Variants in POU5F2 observed in about 807,000 individuals in gnomAD.
POU5F2 encodes POU domain, class 5, transcription factor 2.
For synonymous variants in POU5F2, 191 were observed against 178.7 expected, an observed-to-expected ratio of 1.07 and a Z score of -0.55; for missense variants, 401 against 426.6, an observed-to-expected ratio of 0.94 and a Z score of 0.53.
chr5:93,736,706 T>C lies in POU5F2; in HGVS notation c.*3871A>G, dbSNP rs1024441622. 1 of 152,178 alleles carries C rather than the reference T, an allele frequency of 6.6e-6. No homozygotes were observed. Among genetic ancestry groups the C allele is most frequent in the African/African-American group, 2.4e-5 (1 of 41,448 alleles). 9.4% of individuals were successfully genotyped at this position (152,178 alleles called of 1,614,324 possible). On this transcript the variant is annotated 3_prime_UTR_variant, in exon 1 of 1. Transcript: ENST00000606183. ...CTTATGAAATAGTCATAGGATTTCA[T>C]ATTTCCCTTAAGCATTTTTCATTTA...
chr5:93,739,924 A>G lies in POU5F2; in HGVS notation c.*653T>C, dbSNP rs530531178. On this transcript the variant is annotated 3_prime_UTR_variant, in exon 1 of 1. Coordinates refer to ENST00000606183, the MANE Select transcript of POU5F2 (RefSeq NM_153216.2). ...GCAGGACAAGACATAGTCCCATGGGACTACATAAAGTAGGGAGAGGAACTG... is the reference window on the plus strand; with the variant it reads ...GCAGGACAAGACATAGTCCCATGGGGCTACATAAAGTAGGGAGAGGAACTG... 1.3e-5 allele frequency: 2 copies of G among 151,378 alleles called. No individual in the cohort carries two copies. The highest frequency in any genetic ancestry group is 3.5e-3 in the Middle Eastern group (1 of 288). The allele number at this position is 151,378 out of a possible 1,614,324, so 9.4% of individuals were successfully genotyped here.
chr5:93,736,298 G>A lies in POU5F2; in HGVS notation c.*4279C>T, dbSNP rs529851953. On this transcript the variant is annotated 3_prime_UTR_variant, in exon 1 of 1. Coordinates refer to ENST00000606183, the MANE Select transcript of POU5F2 (RefSeq NM_153216.2). ...ACCTGAAACAATACAGCTTATAGGT[G>A]TGTTCTGAAAACTAAAGTTGTTACA... 1 of 152,176 alleles carries A rather than the reference G, an allele frequency of 6.6e-6. No individual in the cohort carries two copies. Among genetic ancestry groups the A allele is most frequent in the South Asian group, 2.1e-4 (1 of 4,834 alleles). 9.4% of individuals were successfully genotyped at this position (152,176 alleles called of 1,614,324 possible).
chr5:93,740,488 A>G lies in POU5F2; in HGVS notation c.*89T>C. ...ACAGTGAATGAGAAATTAATACTAA[A>G]AGCCCTCAAATGAACCCTAGGGACA... On this transcript the variant is annotated 3_prime_UTR_variant, in exon 1 of 1. Coordinates refer to ENST00000606183, the MANE Select transcript of POU5F2 (RefSeq NM_153216.2). 2 of 1,356,414 alleles carry G rather than the reference A, an allele frequency of 1.5e-6. No individual in the cohort carries two copies. 84.0% of individuals were successfully genotyped at this position (1,356,414 alleles called of 1,614,324 possible).
Position 93,739,526 on chromosome 5 carries a change from T to A in POU5F2, c.*1051A>T, listed in dbSNP as rs575656924. 1.7e-4 allele frequency: 26 copies of A among 152,244 alleles called. No individual in the cohort carries two copies. The highest frequency in any genetic ancestry group is 3.1e-4 in the Non-Finnish European group (21 of 68,018). The allele number at this position is 152,244 out of a possible 1,614,324, so 9.4% of individuals were successfully genotyped here. A position where few individuals can be genotyped will look rare whatever the true frequency, so the allele number is the denominator to read the frequency against. On this transcript the variant is annotated 3_prime_UTR_variant, in exon 1 of 1. Coordinates refer to ENST00000606183, the MANE Select transcript of POU5F2 (RefSeq NM_153216.2). ...TCTGATATAATACATACTGATAGAATTCTAGGACAATAAATAGAGCATGCA... is the reference window on the plus strand; with the variant it reads ...TCTGATATAATACATACTGATAGAAATCTAGGACAATAAATAGAGCATGCA...
chr5:93,737,910 T>G lies in POU5F2; in HGVS notation c.*2667A>C, dbSNP rs1326192031. 1.1e-5 allele frequency: 5 copies of G among 448,596 alleles called. No individual in the cohort carries two copies. The allele number at this position is 448,596 out of a possible 1,614,324, so 27.8% of individuals were successfully genotyped here. ...TAGAAGAAAACACAGGAGCAAATCT[T>G]CATGACTTTGCATTTGGCAACATGA... is the stretch of plus-strand genomic sequence containing the variant. On this transcript the variant is annotated 3_prime_UTR_variant, in exon 1 of 1. Transcript: ENST00000606183.
In POU5F2 at chr5:93,738,535, G is replaced by A. The variant is rs922076725; in HGVS notation, c.*2042C>T. 1 of 152,130 alleles carries A rather than the reference G, an allele frequency of 6.6e-6. No individual in the cohort carries two copies. The highest frequency in any genetic ancestry group is 6.5e-5 in the Admixed American group (1 of 15,276). 9.4% of individuals were successfully genotyped at this position (152,130 alleles called of 1,614,324 possible). On this transcript the variant is annotated 3_prime_UTR_variant, in exon 1 of 1. Coordinates refer to ENST00000606183, the MANE Select transcript of POU5F2 (RefSeq NM_153216.2). ...CAGTATCATTCACAATAGCCCATTG[G>A]CTATTAATGAAAACAATCTAAGTGC...
rs1165628944 is a variant in POU5F2 at position 93,733,290 on chromosome 5, T to G, written c.*7287A>C. The G allele has an allele frequency of 6.7e-6, 1 of 150,306 alleles. No individual in the cohort carries two copies. The allele number at this position is 150,306 out of a possible 1,614,324, so 9.3% of individuals were successfully genotyped here. A position where few individuals can be genotyped will look rare whatever the true frequency, so the allele number is the denominator to read the frequency against. On this transcript the variant is annotated 3_prime_UTR_variant, in exon 1 of 1. Coordinates refer to ENST00000606183, the MANE Select transcript of POU5F2 (RefSeq NM_153216.2). ...ATCTTGGCTCACTGCAACCTCCGCC[T>G]CCCGGGTTCACGCCATTCTCCTGTC...
At position 93,741,347 on chromosome 5, in the gene POU5F2, G is replaced by A. The variant is rs1245301914; in HGVS notation, c.217C>T (p.Arg73Trp). Residue 73 changes from arginine (R) to tryptophan (W), a missense_variant, in exon 1 of 1, where the codon CGG becomes TGG. Coordinates refer to ENST00000606183, the MANE Select transcript of POU5F2 (RefSeq NM_153216.2). ...GGCCTGCAGGGTGCTATCCAGCCCC[G>A]GAATTCGTGTGGCAGGGGACCCAGG... Reference protein sequence around the residue: ...IPLGPLPHEFRGWIAPCRPRL... With the variant: ...IPLGPLPHEFWGWIAPCRPRL... 1.9e-6 allele frequency: 3 copies of A among 1,611,208 alleles called. No individual in the cohort carries two copies. The highest frequency in any genetic ancestry group is 2.7e-5 in the African/African-American group (2 of 74,866).
Position 93,741,534 on chromosome 5 carries a change from G to A in POU5F2, c.30C>T (p.Phe10=), listed in dbSNP as rs765432822. Residue 10 remains phenylalanine, a synonymous_variant, in exon 1 of 1, where the codon TTC becomes TTT. Coordinates refer to ENST00000606183, the MANE Select transcript of POU5F2 (RefSeq NM_153216.2). MAGHRPSNH[F]CPLPGSGGGG... ...CCCCACCACTGCCTGGAAGGGGGCAGAAGTGGTTTGAGGGCCTGTGTCCGG... is the reference window on the plus strand; with the variant it reads ...CCCCACCACTGCCTGGAAGGGGGCAAAAGTGGTTTGAGGGCCTGTGTCCGG... 5 of 1,595,570 alleles carry A rather than the reference G, an allele frequency of 3.1e-6. No homozygotes were observed. In the South Asian group the frequency reaches 5.6e-5, roughly 18 times the overall value.
In POU5F2 at chr5:93,734,230, C is replaced by T. The variant is rs1429032255; in HGVS notation, c.*6347G>A. 1.3e-5 allele frequency: 2 copies of T among 152,110 alleles called. No homozygotes were observed. Among genetic ancestry groups the T allele is most frequent in the Non-Finnish European group, 2.9e-5 (2 of 68,012 alleles). 9.4% of individuals were successfully genotyped at this position (152,110 alleles called of 1,614,324 possible). A position where few individuals can be genotyped will look rare whatever the true frequency, so the allele number is the denominator to read the frequency against. ...AGAACAAGAAAGGCAATAATCAATA[C>T]ATTATTTAGTCTGAACTTACAAGAC... On this transcript the variant is annotated 3_prime_UTR_variant, in exon 1 of 1. Coordinates refer to ENST00000606183, the MANE Select transcript of POU5F2 (RefSeq NM_153216.2).
In POU5F2 at chr5:93,740,550, G is replaced by A. The variant is rs773145454; in HGVS notation, c.*27C>T. 11 of 1,562,972 alleles carry A rather than the reference G, an allele frequency of 7.0e-6. No homozygotes were observed. Among genetic ancestry groups the A allele is most frequent in the East Asian group, 2.3e-5 (1 of 44,052 alleles). ...TTCCCTTCTTCTCCCCTCTCCAACC[G>A]TGCCGTGAAGGGCAAGCCCCTCAGC... is the stretch of plus-strand genomic sequence containing the variant. On this transcript the variant is annotated 3_prime_UTR_variant, in exon 1 of 1. Transcript: ENST00000606183.
rs1332129980 is a variant in POU5F2 at position 93,740,768 on chromosome 5, T to G, written c.796A>C (p.Ser266Arg). 2 of 1,612,294 alleles carry G rather than the reference T, an allele frequency of 1.2e-6. No individual in the cohort carries two copies. Among genetic ancestry groups the G allele is most frequent in the Non-Finnish European group, 1.7e-6 (2 of 1,178,974 alleles). Residue 266 changes from serine to arginine, a missense_variant, in exon 1 of 1, where the codon AGT becomes CGT. By Grantham distance (110) the Ser-to-Arg change is moderately radical. Coordinates refer to ENST00000606183, the MANE Select transcript of POU5F2 (RefSeq NM_153216.2). ...VWFYNRSKMG[S>R]RPTNDASPRE... ...GGGGAAGCATCATTGGTTGGTCGACTGCCCATCTTGCTGCGGTTATAGAAC... is the reference window on the plus strand; with the variant it reads ...GGGGAAGCATCATTGGTTGGTCGACGGCCCATCTTGCTGCGGTTATAGAAC...
In POU5F2 at chr5:93,740,620, T is replaced by C. The variant is rs747918225; in HGVS notation, c.944A>G (p.His315Arg). Residue 315 changes from histidine (H) to arginine (R), a missense_variant, in exon 1 of 1, where the codon CAC becomes CGC. By Grantham distance (29) the His-to-Arg change is conservative. Transcript: ENST00000606183. ...YTRLYSAGVA[H>R]SSAPATTLGL... ...CAGAGTGGTGGCTGGGGCAGAGGAG[T>C]GGGCTACCCCTGCAGAGTAGAGACG... 1.2e-6 allele frequency: 2 copies of C among 1,602,582 alleles called. No individual in the cohort carries two copies. Among genetic ancestry groups the C allele is most frequent in the Admixed American group, 1.7e-5 (1 of 59,780 alleles).
Position 93,735,741 on chromosome 5 carries a change from C to G in POU5F2, c.*4836G>C, listed in dbSNP as rs1290624036. The stretch of plus-strand genomic sequence containing the variant: ...TAGGATTTGGCTTTATTTTCACTAA[C>G]TTATGTGGATCCTCAGTGCTCTACC... On this transcript the variant is annotated 3_prime_UTR_variant, in exon 1 of 1. Transcript: ENST00000606183. 2 of 152,102 alleles carry G rather than the reference C, an allele frequency of 1.3e-5. No individual in the cohort carries two copies. Among genetic ancestry groups the G allele is most frequent in the African/African-American group, 4.8e-5 (2 of 41,432 alleles). The allele number at this position is 152,102 out of a possible 1,614,324, so 9.4% of individuals were successfully genotyped here. A position where few individuals can be genotyped will look rare whatever the true frequency, so the allele number is the denominator to read the frequency against.
Position 93,734,677 on chromosome 5 carries a change from G to A in POU5F2, c.*5900C>T, listed in dbSNP as rs1746831635. 6.6e-6 allele frequency: 1 copy of A among 152,062 alleles called. No homozygotes were observed. Among genetic ancestry groups the A allele is most frequent in the Admixed American group, 6.5e-5 (1 of 15,274 alleles). The allele number at this position is 152,062 out of a possible 1,614,324, so 9.4% of individuals were successfully genotyped here. A position where few individuals can be genotyped will look rare whatever the true frequency, so the allele number is the denominator to read the frequency against. ...AATTTATTTTTAAAATTAAGGCAGGGGAAAATCTGGGCAAATATGAAGACT... is the reference window on the plus strand; with the variant it reads ...AATTTATTTTTAAAATTAAGGCAGGAGAAAATCTGGGCAAATATGAAGACT... On this transcript the variant is annotated 3_prime_UTR_variant, in exon 1 of 1. Coordinates refer to ENST00000606183, the MANE Select transcript of POU5F2 (RefSeq NM_153216.2).
At position 93,741,567 on chromosome 5, in the gene POU5F2, T is replaced by A; in HGVS notation, c.-4A>T. On this transcript the variant is annotated 5_prime_UTR_variant, in exon 1 of 1. Coordinates refer to ENST00000606183, the MANE Select transcript of POU5F2 (RefSeq NM_153216.2). ...TTGAGGGCCTGTGTCCGGCCATGGG[T>A]GGAATGGCACCCGCAGCGGCTCTGG... The A allele has an allele frequency of 1.3e-6, 2 of 1,535,334 alleles. No individual in the cohort carries two copies. The highest frequency in any genetic ancestry group is 2.5e-5 in the South Asian group (2 of 79,766).
Position 93,739,869 on chromosome 5 carries a change from A to G in POU5F2, c.*708T>C, listed in dbSNP as rs1332964910. ...TGAAGTCCAGCTTGCCAACCTCAGT[A>G]ACAAAGGAGTTTAGAATACAGTGAC... On this transcript the variant is annotated 3_prime_UTR_variant, in exon 1 of 1. Coordinates refer to ENST00000606183, the MANE Select transcript of POU5F2 (RefSeq NM_153216.2). The G allele has an allele frequency of 6.6e-6, 1 of 152,130 alleles. No homozygotes were observed. The highest frequency in any genetic ancestry group is 2.4e-5 in the African/African-American group (1 of 41,398). 9.4% of individuals were successfully genotyped at this position (152,130 alleles called of 1,614,324 possible).
In POU5F2 at chr5:93,740,286, T is replaced by C; in HGVS notation, c.*291A>G. 1.0e-5 allele frequency: 3 copies of C among 293,858 alleles called. No homozygotes were observed. The highest frequency in any genetic ancestry group is 1.9e-5 in the Non-Finnish European group (3 of 158,590). 18.2% of individuals were successfully genotyped at this position (293,858 alleles called of 1,614,324 possible). A position where few individuals can be genotyped will look rare whatever the true frequency, so the allele number is the denominator to read the frequency against. On this transcript the variant is annotated 3_prime_UTR_variant, in exon 1 of 1. Transcript: ENST00000606183. The stretch of plus-strand genomic sequence containing the variant: ...CACAAGGAATAACAGACACAATATT[T>C]AATAAAAAAAGGAACAAAATATCGA...
chr5:93,741,134 G>A, the POU5F2 span: 1 of 1,613,852 alleles, frequency 6.2e-7, no homozygotes, highest in Non-Finnish European at 8.5e-7. Context: ...ACATCGGCCT[G>A]CGAGTACCCT....
Sources: gnomAD v4.1 joint callset for allele counts on GRCh38, gnomAD v4.1.1 for gene constraint, MANE v1.5 for transcripts, NCBI Gene and HGNC (gene_info 2026-07-23, HGNC 2026-07-21) for gene names.